Variants in ADARB2 observed in about 807,000 individuals in gnomAD.
ADARB2 encodes adenosine deaminase RNA specific B2 (inactive), also known as inactive double-stranded RNA-specific editase B2.
Under a neutral mutation model 62.2 loss-of-function variants are expected in ADARB2, and 25 were observed. That is an observed-to-expected ratio of 0.40 (90% confidence interval 0.29 to 0.56). ADARB2 has a LOEUF of 0.56. ADARB2 is among the 20% of genes least tolerant of loss of function. ADARB2 has a pLI of 0.43. For missense variants in ADARB2, 1,071 were observed against 1,077.4 expected (o/e 0.99, Z 0.08); for synonymous variants, 572 against 500.8 (o/e 1.14, Z -1.90).
At chr10:1,294,627 A>G (rs1271026123) in intron 3 of ADARB2, among the ~76,000 whole-genome samples, 4 of 152,142 alleles carry the variant, frequency 2.6e-5, no homozygotes, top group African/African-American at 9.7e-5. Context: ...CCATCCAGCG[A>G]TGGTAACCGC....
At chr10:1,591,431 G>C (rs113769477) in intron 1 of ADARB2, among the ~76,000 whole-genome samples, 5 of 152,294 alleles carry the variant, frequency 3.3e-5, no homozygotes, top group Admixed American at 1.3e-4. Context: ...CATTATTGGC[G>C]AATGCCTGGA....
chr10:1,318,390 G>A (rs1831760845), intron 3 of ADARB2, among the ~76,000 whole-genome samples: 1 of 152,140 alleles, frequency 6.6e-6, no homozygotes, highest in South Asian at 2.1e-4. Flanking sequence ...TGAGAACCAT[G>A]CAGGAGTGAG....
intron 1 of ADARB2, among the ~76,000 whole-genome samples, chr10:1,734,306 T>G (rs1588370788): frequency 6.6e-6 from 1 of 151,854 alleles, no homozygotes; most frequent in Admixed American, 6.6e-5. Flanking sequence ...GTTTTTTTTT[T>G]TTTTTTTTTT....
At chr10:1,723,272 A>G (rs1342151886) in intron 1 of ADARB2, among the ~76,000 whole-genome samples, 1 of 152,212 alleles carries the variant, frequency 6.6e-6, no homozygotes, top group African/African-American at 2.4e-5. Flanking sequence ...TACATTGCCC[A>G]GAGAACATCT....
At chr10:1,654,253 A>G (rs1214530869) in intron 1 of ADARB2, among the ~76,000 whole-genome samples, 2 of 152,098 alleles carry the variant, frequency 1.3e-5, no homozygotes, top group Admixed American at 1.3e-4. Context: ...TGAGGCTTGC[A>G]TTTCAGGCTC....
intron 1 of ADARB2, among the ~76,000 whole-genome samples, chr10:1,653,432 C>T (rs1588339712): frequency 1.3e-5 from 2 of 152,018 alleles, no homozygotes; most frequent in Non-Finnish European, 2.9e-5. Context: ...TCTGTGGGGT[C>T]CCAGGAATGT....
chr10:1,215,118 T>C (rs965767792), intron 7 of ADARB2, among the ~76,000 whole-genome samples: 22 of 152,174 alleles, frequency 1.4e-4, no homozygotes, highest in African/African-American at 5.3e-4. Flanking sequence ...CTGTGTCCCC[T>C]GATGTCACCC....
At chr10:1,683,267 A>C (rs1276711175) in intron 1 of ADARB2, among the ~76,000 whole-genome samples, 1 of 152,152 alleles carries the variant, frequency 6.6e-6, no homozygotes, top group Admixed American at 6.5e-5. Context: ...ATTAAATCTT[A>C]TTTCTGAGAA....
rs1836633352 is a variant in ADARB2, at chr10:1,179,317, G to A, written c.*3876C>T. 1 of 152,236 alleles carries A rather than the reference G, an allele frequency of 6.6e-6. No homozygotes were observed. Among genetic ancestry groups the A allele is most frequent in the Non-Finnish European group, 1.5e-5 (1 of 68,038 alleles). The allele number at this position is 152,236 out of a possible 1,614,324, so 9.4% of individuals were successfully genotyped here. On this transcript the variant is annotated 3_prime_UTR_variant, in exon 10 of 10. Coordinates refer to ENST00000381312, the MANE Select transcript of ADARB2 (RefSeq NM_018702.4). ...TCTTTGAAAAGGAACCCAGCTTGAT[G>A]TTTCTGAGGAACAGGACTCATCACA...
intron 3 of ADARB2, among the ~76,000 whole-genome samples, chr10:1,311,368 A>T (rs773603907): frequency 1.3e-5 from 2 of 152,154 alleles, no homozygotes; most frequent in African/African-American, 4.8e-5. Context: ...AGGAGCAGGG[A>T]ATGGCTGGGG....
At chr10:1,692,382 G>A (rs57096785) in intron 1 of ADARB2, among the ~76,000 whole-genome samples, 3,256 of 152,284 alleles carry the variant, frequency 0.021, 124 homozygotes, top group African/African-American at 0.073. Flanking sequence ...TGGGGAGGCC[G>A]TCACCGGGAG....
rs75911813 is a variant in ADARB2 at position 1,729,381 on chromosome 10, G to A, written c.100+7670C>T. Reference sequence around the variant, plus strand: ...ACACAGTCTAACACAAAGAGGGCAGGTACTTCCTTAAAGAATGTGGCTATT... The same window carrying A: ...ACACAGTCTAACACAAAGAGGGCAGATACTTCCTTAAAGAATGTGGCTATT... On this transcript the variant is annotated intron_variant, in intron 1 of 9. Transcript: ENST00000381312. Among the ~76,000 whole-genome samples, 1,083 of 152,250 alleles carry A rather than the reference G, an allele frequency of 7.1e-3. 8 individuals are homozygous for A. Among genetic ancestry groups the A allele is most frequent in the Non-Finnish European group, 0.011 (727 of 68,016 alleles).
At chr10:1,639,293 G>A (rs963736351) in intron 1 of ADARB2, among the ~76,000 whole-genome samples, 1 of 152,234 alleles carries the variant, frequency 6.6e-6, no homozygotes, top group Non-Finnish European at 1.5e-5. Context: ...GTTCTTCCTA[G>A]AGCAGGGCTT....
intron 4 of ADARB2, among the ~76,000 whole-genome samples, chr10:1,250,301 C>T (rs750938281): frequency 3.9e-5 from 6 of 151,902 alleles, no homozygotes; most frequent in Non-Finnish European, 8.8e-5. Flanking sequence ...CTCAGTGTGG[C>T]GGTGTTGGGG....
At chr10:1,264,704 T>C (rs978181772) in intron 4 of ADARB2, among the ~76,000 whole-genome samples, 1 of 152,232 alleles carries the variant, frequency 6.6e-6, no homozygotes, top group Admixed American at 6.5e-5. Flanking sequence ...ATTGGCACTT[T>C]TGTATTTTTC....
At chr10:1,536,155 T>A (rs10794754) in intron 1 of ADARB2, among the ~76,000 whole-genome samples, 47,306 of 151,986 alleles carry the variant, frequency 0.31, 8,517 homozygotes, top group East Asian at 0.74. Context: ...CAACTCCAGA[T>A]GCTGGCATGA....
intron 3 of ADARB2, among the ~76,000 whole-genome samples, chr10:1,288,447 G>C (rs1237707173): frequency 2.0e-5 from 3 of 152,248 alleles, no homozygotes; most frequent in African/African-American, 7.2e-5. Flanking sequence ...CTAAGAGGCA[G>C]TTACGATTAT....
chr10:1,671,087 C>T (rs147511439), intron 1 of ADARB2, among the ~76,000 whole-genome samples: 1 of 152,314 alleles, frequency 6.6e-6, no homozygotes, highest in Non-Finnish European at 1.5e-5. Context: ...CTCCGTGCCG[C>T]GCATGCACAT....
intron 3 of ADARB2, among the ~76,000 whole-genome samples, chr10:1,329,806 G>GT (rs1322314359): frequency 1.3e-5 from 2 of 152,230 alleles, no homozygotes; most frequent in East Asian, 3.9e-4. Context: ...AGAAGCGTTT[G>GT]TAAGAGTGGG....
Sources: allele counts gnomAD v4.1 joint callset (sites outside exome capture counted in the v4.1 genomes callset), GRCh38; gene constraint gnomAD v4.1.1; transcripts MANE v1.5; gene names NCBI Gene and HGNC (gene_info 2026-07-23, HGNC 2026-07-21).